PSME4: variants seen among roughly 807,000 people sequenced by gnomAD.
PSME4 encodes the protein proteasome activator complex subunit 4.
In PSME4, 89 loss-of-function variants were observed where a neutral mutation model predicts 253.9. The ratio of observed to expected loss-of-function variants is 0.35; its 90% CI spans 0.30 to 0.42. The LOEUF (loss-of-function observed/expected upper bound fraction) is 0.42, where lower values mean the gene tolerates loss of function less well. Ranked by LOEUF, PSME4 falls within the 10% of genes least tolerant of loss-of-function variation. The pLI is 1.00. For missense variants in PSME4, 2,014 were observed against 2,195.2 expected (o/e 0.92, Z 1.65); for synonymous variants, 851 against 759.2 (o/e 1.12, Z -1.99).
intron 27 of PSME4, among the ~76,000 whole-genome samples, chr2:53,903,186 G>A (rs1463847748): frequency 2.0e-5 from 3 of 151,968 alleles, no homozygotes; most frequent in East Asian, 1.9e-4. Context: ...TGGTATCTTC[G>A]GACTCAGATG....
intron 41 of PSME4, among the ~76,000 whole-genome samples, chr2:53,883,489 G>T (rs557014747): frequency 6.6e-6 from 1 of 152,166 alleles, no homozygotes; most frequent in South Asian, 2.1e-4. Flanking sequence ...AGAAAAAAGC[G>T]GTGGGGGGGT....
At chr2:53,876,446 T>C (rs1296673869) in intron 41 of PSME4, among the ~76,000 whole-genome samples, 2 of 152,196 alleles carry the variant, frequency 1.3e-5, no homozygotes, top group Non-Finnish European at 2.9e-5. Flanking sequence ...TTATTGAAGT[T>C]TCACTTTTTT....
chr2:53,959,461 A>C (rs1238197769), intron 1 of PSME4, among the ~76,000 whole-genome samples: 1 of 152,208 alleles, frequency 6.6e-6, no homozygotes, highest in Non-Finnish European at 1.5e-5. Flanking sequence ...GACCCATGAG[A>C]TCTCTGAACG....
intron 1 of PSME4, among the ~76,000 whole-genome samples, chr2:53,964,858 G>C (rs578210451): frequency 2.3e-4 from 35 of 152,196 alleles, no homozygotes; most frequent in Non-Finnish European, 4.0e-4. Context: ...TTTCAACTGG[G>C]ATAATCAATC....
At chr2:53,920,837 T>C (rs1668281293) in intron 18 of PSME4, 52 bp downstream of exon 18, 1 of 1,464,986 alleles carries the variant, frequency 6.8e-7, no homozygotes, top group Non-Finnish European at 9.5e-7. Flanking sequence ...TTGAATCCCT[T>C]AAAACAAAAA....
intron 38 of PSME4, 93 bp from the exon 39 acceptor site, chr2:53,888,082 G>C: frequency 1.5e-6 from 2 of 1,321,924 alleles, no homozygotes; most frequent in Non-Finnish European, 2.0e-6. Flanking sequence ...TTCACTTAAA[G>C]CTTTTTCGTT....
intron 1 of PSME4, among the ~76,000 whole-genome samples, chr2:53,963,839 T>C (rs911385216): frequency 6.6e-6 from 1 of 152,158 alleles, no homozygotes; most frequent in Admixed American, 6.5e-5. Context: ...TTGCTTTTTT[T>C]AAAAAATTCC....
intron 1 of PSME4, among the ~76,000 whole-genome samples, chr2:53,955,997 G>A (rs1241320357): frequency 6.6e-6 from 1 of 151,874 alleles, no homozygotes; most frequent in Non-Finnish European, 1.5e-5. Flanking sequence ...AGGTACAGTG[G>A]CTCACGCCTA....
At chr2:53,965,958 C>A (rs1284604123) in intron 1 of PSME4, among the ~76,000 whole-genome samples, 3 of 152,082 alleles carry the variant, frequency 2.0e-5, no homozygotes, top group Admixed American at 6.5e-5. Flanking sequence ...AGGCGTGAGC[C>A]GCCACGCCCA....
At chr2:53,885,569 T>C (rs1679598137) in intron 41 of PSME4, 121 bp downstream of exon 41, 1 of 634,070 alleles carries the variant, frequency 1.6e-6, no homozygotes, top group Admixed American at 2.9e-5. Flanking sequence ...GTGACCATTC[T>C]ACTTTTCAGA....
intron 20 of PSME4, among the ~76,000 whole-genome samples, chr2:53,918,583 C>T (rs1041939976): frequency 6.6e-6 from 1 of 152,086 alleles, no homozygotes. Flanking sequence ...TCAAAAGATC[C>T]GCCTGCCTCA....
At chr2:53,910,213 T>C (rs1031202325) in intron 20 of PSME4, 83 bp from the exon 21 acceptor site, 4 of 1,100,504 alleles carry the variant, frequency 3.6e-6, no homozygotes, top group South Asian at 1.3e-5. Context: ...CTGGACTGTT[T>C]AAACCAAAAC....
intron 1 of PSME4, among the ~76,000 whole-genome samples, chr2:53,951,072 C>T (rs921852872): frequency 6.6e-6 from 1 of 152,016 alleles, no homozygotes; most frequent in African/African-American, 2.4e-5. Flanking sequence ...TCAAATAAAA[C>T]TTACATTTAA....
chr2:53,914,723 A>G (rs573272960), intron 20 of PSME4, among the ~76,000 whole-genome samples: 32 of 152,300 alleles, frequency 2.1e-4, no homozygotes, highest in South Asian at 6.2e-4. Flanking sequence ...TCTACTAAAA[A>G]TACAAAAATT....
chr2:53,941,764 T>G (rs943851904), intron 3 of PSME4, among the ~76,000 whole-genome samples: 28 of 152,120 alleles, frequency 1.8e-4, no homozygotes, highest in African/African-American at 6.5e-4. Flanking sequence ...TCCATGAAAA[T>G]GAGCATAAGA....
In PSME4 at chr2:53,879,801, C is replaced by CAAAAA. The variant is rs55730803; in HGVS notation, c.4816-4051_4816-4047dup. On this transcript the variant is annotated intron_variant, in intron 41 of 46. Coordinates refer to ENST00000404125, the MANE Select transcript of PSME4 (RefSeq NM_014614.3). ...TGGGTGACAGAGCAAGACCCTGTCT[C>CAAAAA]AAAAAAAAAAAAAAAAAAAGGAAAA... 1.4e-3 allele frequency among the ~76,000 whole-genome samples: 123 copies of CAAAAA among 89,926 alleles called. 4 individuals are homozygous for CAAAAA. The highest frequency in any genetic ancestry group is 4.0e-3 in the South Asian group (10 of 2,510). 59.0% of individuals were successfully genotyped at this position (89,926 alleles called of 152,430 possible). A position where few individuals can be genotyped will look rare whatever the true frequency, so the allele number is the denominator to read the frequency against.
At position 53,940,998 on chromosome 2, in the gene PSME4, T is replaced by TATATGA. The variant is rs1553338492; in HGVS notation, c.501-999_501-998insTCATAT. ...ATATATATATATATATATATATATA[T>TATATGA]ATGAAAGGAGTAAGTTTCAGGCAAT... On this transcript the variant is annotated intron_variant, in intron 3 of 46. Coordinates refer to ENST00000404125, the MANE Select transcript of PSME4 (RefSeq NM_014614.3). Among the ~76,000 whole-genome samples the TATATGA allele has an allele frequency of 2.2e-3, 193 of 85,894 alleles. 20 individuals carry two copies. Among genetic ancestry groups the TATATGA allele is most frequent in the South Asian group, 4.3e-3 (9 of 2,104 alleles). The allele number at this position is 85,894 out of a possible 152,430, so 56.3% of individuals were successfully genotyped here.
Position 53,919,248 on chromosome 2 carries a change from T to TAAAA in PSME4, c.2421-3_2421-2insTTTT. ...GTCAGACTCTGTAGAATATCATCTC[T>TAAAA]AGAAAAAAAAAAAAGACATTTTCAT... On this transcript the variant is annotated splice_polypyrimidine_tract_variant and splice_region_variant and intron_variant, in intron 19 of 46. Transcript: ENST00000404125. The TAAAA allele has an allele frequency of 1.3e-6, 2 of 1,543,982 alleles. No individual in the cohort carries two copies. The highest frequency in any genetic ancestry group is 4.4e-5 in the Admixed American group (2 of 45,596).
chr2:53,865,057 G>C lies in PSME4; in HGVS notation c.*521C>G, dbSNP rs1678502641. ...AGCAATCCATCAGGTCATTGGTTAG[G>C]TTCAGGACTTGCCCTCTTTTCCTTC... On this transcript the variant is annotated 3_prime_UTR_variant, in exon 47 of 47. Transcript: ENST00000404125. The C allele has an allele frequency of 6.6e-6, 1 of 152,630 alleles. No individual in the cohort carries two copies. Among genetic ancestry groups the C allele is most frequent in the Non-Finnish European group, 1.5e-5 (1 of 68,072 alleles). 9.5% of individuals were successfully genotyped at this position (152,630 alleles called of 1,614,324 possible).
Sources: gnomAD v4.1 joint callset for allele counts (sites outside exome capture counted in the v4.1 genomes callset) on GRCh38, gnomAD v4.1.1 for gene constraint, MANE v1.5 for transcripts, NCBI Gene and HGNC (gene_info 2026-07-23, HGNC 2026-07-21) for gene names.